XKR4: variants seen among roughly 807,000 people sequenced by gnomAD.
XKR4 encodes the protein XK related 4.
XKR4 carries 12 observed loss-of-function variants against 53.9 expected under a neutral mutation model. The ratio of observed to expected loss-of-function variants is 0.22; its 90% confidence interval spans 0.14 to 0.36. The LOEUF (loss-of-function observed/expected upper bound fraction) is 0.36, where lower values mean the gene tolerates loss of function less well. Ranked by LOEUF, XKR4 falls within the 10% of genes least tolerant of loss-of-function variation. The pLI, the probability that XKR4 is intolerant of heterozygous loss-of-function variation, is 1.00. For missense variants in XKR4, 799 were observed against 859.5 expected (o/e 0.93, Z 0.88); for synonymous variants, 354 against 362.4 (o/e 0.98, Z 0.26).
rs182211485 is a variant in XKR4, at chr8:55,425,644, G to A, written c.1006+67767G>A. On this transcript the variant is annotated intron_variant, in intron 2 of 2. Transcript: ENST00000327381. ...TCTATCTGTTGGAGTTAGCCCCTCC[G>A]TTACCCACGTGAGAAACCTGGGTGG... Among the ~76,000 whole-genome samples, 3 of 152,114 alleles carry A rather than the reference G, an allele frequency of 2.0e-5. No homozygotes were observed. In the East Asian group the frequency reaches 5.8e-4, roughly 29 times the overall value.
At chr8:55,164,462 G>A (rs540268659) in intron 1 of XKR4, 2 of 456,270 alleles carry the variant, frequency 4.4e-6, no homozygotes, top group Admixed American at 4.7e-5. Context: ...GCTGGAAGTA[G>A]TCTACCTGGG....
intron 2 of XKR4, among the ~76,000 whole-genome samples, chr8:55,502,090 G>A (rs1806448572): frequency 6.6e-6 from 1 of 152,098 alleles, no homozygotes; most frequent in Non-Finnish European, 1.5e-5. Context: ...TACATTTTGA[G>A]TACAGAGACA....
chr8:55,265,208 T>G (rs1818579564), intron 1 of XKR4, among the ~76,000 whole-genome samples: 2 of 152,194 alleles, frequency 1.3e-5, no homozygotes, highest in Admixed American at 1.3e-4. Flanking sequence ...TGCACCATCA[T>G]CAGGACCACT....
At chr8:55,448,167 A>G (rs956283326) in intron 2 of XKR4, among the ~76,000 whole-genome samples, 4 of 152,212 alleles carry the variant, frequency 2.6e-5, no homozygotes, top group Admixed American at 6.5e-5. Flanking sequence ...TTCCTCTTCT[A>G]TGCTTTATAA....
chr8:55,115,783 C>T (rs945665869), intron 1 of XKR4, among the ~76,000 whole-genome samples: 3 of 152,164 alleles, frequency 2.0e-5, no homozygotes, highest in Non-Finnish European at 2.9e-5. Context: ...CTCACACACA[C>T]ACACAAAAAG....
At chr8:55,463,021 T>C (rs1486072053) in intron 2 of XKR4, among the ~76,000 whole-genome samples, 2 of 152,108 alleles carry the variant, frequency 1.3e-5, no homozygotes, top group African/African-American at 4.8e-5. Context: ...CACACTATAA[T>C]AATGCGAGAC....
chr8:55,208,025 G>C (rs1236382075), intron 1 of XKR4, among the ~76,000 whole-genome samples: 1 of 152,156 alleles, frequency 6.6e-6, no homozygotes, highest in Non-Finnish European at 1.5e-5. Flanking sequence ...TGATCCTCTG[G>C]TCTAATGTGG....
intron 1 of XKR4, among the ~76,000 whole-genome samples, chr8:55,156,131 T>C (rs1233129602): frequency 6.6e-6 from 1 of 151,870 alleles, no homozygotes; most frequent in Non-Finnish European, 1.5e-5. Context: ...TGATGGGAAC[T>C]GGGAAGTGTG....
intron 2 of XKR4, chr8:55,451,388 T>G: frequency 1.3e-6 from 1 of 797,302 alleles, no homozygotes; most frequent in Non-Finnish European, 2.1e-6. Flanking sequence ...GAGAAGCCGC[T>G]AAGTGTGTTG....
chr8:55,453,022 C>T (rs761757193), intron 2 of XKR4: 2 of 636,944 alleles, frequency 3.1e-6, no homozygotes, highest in Non-Finnish European at 6.0e-6. Flanking sequence ...GCAGAGTGCT[C>T]TCTCATCCTC....
Position 55,102,965 on chromosome 8 carries a change from G to C in XKR4, c.477G>C (p.Val159=), listed in dbSNP as rs770008759. 5 of 1,611,426 alleles carry C rather than the reference G, an allele frequency of 3.1e-6. No homozygotes were observed. Among genetic ancestry groups the C allele is most frequent in the Middle Eastern group, 1.6e-4 (1 of 6,078 alleles). The part of the protein sequence containing the change: ...LFFVVLGSLS[V]QVFSFRWFVH... ...TCGTGGTGCTCGGCTCTCTGTCGGT[G>C]CAAGTGTTCAGCTTCCGCTGGTTTG... Residue 159 remains valine (V), a synonymous_variant, in exon 1 of 3, where the codon GTG becomes GTC. Transcript: ENST00000327381. This position sits in a 1 kb window ranked among gnomAD's most constrained non-coding sequence, Gnocchi z 5.1.
intron 1 of XKR4, among the ~76,000 whole-genome samples, chr8:55,212,786 G>C (rs916968266): frequency 1.3e-5 from 2 of 152,158 alleles, no homozygotes; most frequent in Admixed American, 6.5e-5. Context: ...ATGCATTCCT[G>C]GGTTTTCTCC....
At chr8:55,199,636 G>A (rs1165383446) in intron 1 of XKR4, among the ~76,000 whole-genome samples, 2 of 151,940 alleles carry the variant, frequency 1.3e-5, no homozygotes, top group African/African-American at 4.8e-5. Flanking sequence ...TCTTTGGACT[G>A]TTAATTTGAC....
At chr8:55,420,570 G>T (rs1267666878) in intron 2 of XKR4, among the ~76,000 whole-genome samples, 3 of 143,830 alleles carry the variant, frequency 2.1e-5, no homozygotes, top group African/African-American at 8.0e-5. Flanking sequence ...TCACTCATAG[G>T]TCGGAATTGA....
At chr8:55,156,849 CCAACAACACGTTTCCGTAAA>C (rs1432955984) in intron 1 of XKR4, among the ~76,000 whole-genome samples, 1 of 152,200 alleles carries the variant, frequency 6.6e-6, no homozygotes, top group African/African-American at 2.4e-5. Flanking sequence ...GAAGATTACA[CCAACAACACGTTTCCGTAAA>C]CTTTCTGCAT....
At chr8:55,517,779 T>C (rs1417642472) in intron 2 of XKR4, 3 of 135,170 alleles carry the variant, frequency 2.2e-5, no homozygotes, top group Admixed American at 8.1e-5. Context: ...AGCACAGCTG[T>C]TCTGACTCTG....
intron 2 of XKR4, chr8:55,450,358 T>C: frequency 4.4e-6 from 3 of 682,622 alleles, no homozygotes; most frequent in South Asian, 3.6e-5. Context: ...CACGTTGCTG[T>C]AGGGCCGCAG....
intron 2 of XKR4, chr8:55,450,040 G>A (rs552647445): frequency 9.0e-6 from 7 of 781,062 alleles, no homozygotes; most frequent in Non-Finnish European, 1.6e-5. Context: ...GGAGCTAGGG[G>A]TGCCACGTCC....
intron 1 of XKR4, among the ~76,000 whole-genome samples, chr8:55,121,252 T>C (rs1816386393): frequency 6.6e-6 from 1 of 152,188 alleles, no homozygotes; most frequent in Admixed American, 6.5e-5. Context: ...ATTGCTGGAT[T>C]ATATGGGAAG....
Sources: allele counts gnomAD v4.1 joint callset (sites outside exome capture counted in the v4.1 genomes callset), GRCh38; gene constraint gnomAD v4.1.1; non-coding constraint Gnocchi (gnomAD v3.1); transcripts MANE v1.5; gene names NCBI Gene and HGNC (gene_info 2026-07-23, HGNC 2026-07-21).